The following FAM3B variants were observed in gnomAD, a reference collection of about 807,000 sequenced individuals.
FAM3B encodes the protein protein FAM3B.
FAM3B carries 29 observed loss-of-function variants against 28.4 expected under a neutral mutation model. The observed-to-expected ratio is 1.02, with a 90% CI of 0.76 to 1.39. The LOEUF is 1.39. Ranked by LOEUF, FAM3B falls within the 40% of genes most tolerant of loss-of-function variation. The pLI is 0.00. For missense variants in FAM3B, 266 were observed against 293.9 expected, an observed-to-expected ratio of 0.91 and a Z score of 0.69; for synonymous variants, 91 against 103.0, an observed-to-expected ratio of 0.88 and a Z score of 0.71.
chr21:41,322,336 C>T (rs2088814160), intron 1 of FAM3B, among the ~76,000 whole-genome samples: 1 of 152,188 alleles, frequency 6.6e-6, no homozygotes, highest in South Asian at 2.1e-4. Flanking sequence ...GGAACCTTGA[C>T]TGGCCCAGCA....
At chr21:41,339,078 G>A (rs2088981403) in intron 3 of FAM3B, among the ~76,000 whole-genome samples, 1 of 152,166 alleles carries the variant, frequency 6.6e-6, no homozygotes, top group South Asian at 2.1e-4. Context: ...GTTTCTGTTT[G>A]CAGTCCATAC....
At chr21:41,356,743 T>C (rs887680549) in intron 7 of FAM3B, among the ~76,000 whole-genome samples, 1 of 152,222 alleles carries the variant, frequency 6.6e-6, no homozygotes, top group Non-Finnish European at 1.5e-5. Context: ...TAGTGTTCAA[T>C]AGATCATTAG....
chr21:41,342,161 T>C (rs4305350), intron 3 of FAM3B, among the ~76,000 whole-genome samples: 11,445 of 152,316 alleles, frequency 0.075, 626 homozygotes, highest in Middle Eastern at 0.16. Flanking sequence ...ACATTCAAGG[T>C]ACTATTCCAC....
At chr21:41,346,930 CA>C (rs2089065926) in intron 5 of FAM3B, 82 bp from the exon 6 acceptor site, 3 of 1,165,346 alleles carry the variant, frequency 2.6e-6, no homozygotes, top group Non-Finnish European at 3.9e-6. Context: ...ACACAGAATG[CA>C]GGTGCAGGAG....
intron 2 of FAM3B, among the ~76,000 whole-genome samples, chr21:41,323,308 A>G (rs2145799981): frequency 6.6e-6 from 1 of 152,370 alleles, no homozygotes; most frequent in East Asian, 1.9e-4. Flanking sequence ...ACCTGCAGCC[A>G]GACCTTGAAC....
At chr21:41,305,370 T>A (rs962243891) in intron 1 of FAM3B, among the ~76,000 whole-genome samples, 3 of 152,212 alleles carry the variant, frequency 2.0e-5, no homozygotes, top group African/African-American at 4.8e-5. Flanking sequence ...TCAGTCTCAC[T>A]TAGGAATCCC....
rs750385485 is a variant in FAM3B at position 41,306,893 on chromosome 21, CT to C, written n.99+2584del. ...GTATGCAATAGGTAGTATTTCATCC[CT>C]CACCCCTTCCTCCTTCCCATTTGAC... On this transcript the variant is annotated intron_variant and non_coding_transcript_variant, in intron 1 of 9. Transcript: ENST00000479810. 1.1e-3 allele frequency among the ~76,000 whole-genome samples: 164 copies of C among 152,304 alleles called. 1 individual carries two copies. The highest frequency in any genetic ancestry group is 7.5e-4 in the Non-Finnish European group (51 of 68,020).
intron 2 of FAM3B, 62 bp from the exon 3 acceptor site, chr21:41,338,316 G>A: frequency 1.9e-6 from 3 of 1,592,080 alleles, no homozygotes; most frequent in South Asian, 2.2e-5. Flanking sequence ...CCGCCAAGCA[G>A]CAGGTGCATC....
At chr21:41,334,163 A>G (rs938207417) in intron 2 of FAM3B, among the ~76,000 whole-genome samples, 24 of 152,382 alleles carry the variant, frequency 1.6e-4, no homozygotes, top group African/African-American at 5.8e-4. Flanking sequence ...GAAGCAGAGC[A>G]TAAAAGTTTG....
At chr21:41,323,300 C>A (rs986806276) in intron 2 of FAM3B, among the ~76,000 whole-genome samples, 7 of 152,234 alleles carry the variant, frequency 4.6e-5, no homozygotes, top group Non-Finnish European at 8.8e-5. Context: ...CAGCACAAAC[C>A]TGCAGCCAGA....
intron 4 of FAM3B, 39 bp from the exon 5 acceptor site, chr21:41,345,647 G>A (rs762863718): frequency 2.2e-6 from 3 of 1,377,584 alleles, no homozygotes; most frequent in Non-Finnish European, 3.0e-6. Context: ...CCCTAGTTCT[G>A]TGAACTTTCT....
chr21:41,344,363 A>G, intron 3 of FAM3B, 113 bp from the exon 4 acceptor site: 5 of 951,060 alleles, frequency 5.3e-6, no homozygotes, highest in Non-Finnish European at 8.3e-6. Context: ...CAGACTTTCA[A>G]GGAAAAGGTG....
chr21:41,311,251 A>AATATATATATAT (rs1168140562), intron 1 of FAM3B, among the ~76,000 whole-genome samples: 8 of 35,074 alleles, frequency 2.3e-4, no homozygotes, highest in Non-Finnish European at 2.8e-4. Context: ...AAAAAAAAAA[A>AATATATATATAT]ATATATATAT....
chr21:41,355,920 C>T (rs1167980846), intron 7 of FAM3B, among the ~76,000 whole-genome samples: 2 of 152,026 alleles, frequency 1.3e-5, no homozygotes, highest in Admixed American at 1.3e-4. Context: ...CTTTAAGCAT[C>T]AAGTTAAGGT....
intron 7 of FAM3B, 26 bp from the exon 8 acceptor site, chr21:41,357,082 A>T (rs1245857761): frequency 6.5e-7 from 1 of 1,545,292 alleles, no homozygotes; most frequent in Non-Finnish European, 8.8e-7. Context: ...TAATGAATAA[A>T]TAAAACTCTT....
At chr21:41,329,362 T>C (rs1233784702) in intron 2 of FAM3B, among the ~76,000 whole-genome samples, 1 of 152,196 alleles carries the variant, frequency 6.6e-6, no homozygotes. Context: ...ACGGGGGACG[T>C]GAATCCTCCC....
intron 2 of FAM3B, among the ~76,000 whole-genome samples, chr21:41,336,377 C>G (rs973353334): frequency 9.9e-5 from 15 of 152,122 alleles, no homozygotes; most frequent in African/African-American, 3.6e-4. Context: ...CAAAAATTAG[C>G]CAGATGTGGT....
chr21:41,321,426 C>T (rs1406884449), intron 1 of FAM3B, among the ~76,000 whole-genome samples: 1 of 152,196 alleles, frequency 6.6e-6, no homozygotes, highest in Admixed American at 6.6e-5. Flanking sequence ...GTTGGCGCAG[C>T]TGCGGGAGAG....
At chr21:41,324,067 ATTCCTGAAGGC>A (rs994248397) in intron 2 of FAM3B, among the ~76,000 whole-genome samples, 1 of 152,156 alleles carries the variant, frequency 6.6e-6, no homozygotes, top group African/African-American at 2.4e-5. Flanking sequence ...CACTACTCCC[ATTCCTGAAGGC>A]TTCATCTGCC....
Sources: allele counts gnomAD v4.1 joint callset (sites outside exome capture counted in the v4.1 genomes callset), GRCh38; gene constraint gnomAD v4.1.1; transcripts MANE v1.5; gene names NCBI Gene and HGNC (gene_info 2026-07-23, HGNC 2026-07-21).